PBLD: variants seen among roughly 807,000 people sequenced by gnomAD.
PBLD encodes phenazine biosynthesis-like domain-containing protein.
PBLD carries 26 observed loss-of-function variants against 31.3 expected under a neutral mutation model. The ratio of observed to expected loss-of-function variants is 0.83; its 90% CI spans 0.61 to 1.15. The LOEUF (loss-of-function observed/expected upper bound fraction) is 1.15, where lower values mean the gene tolerates loss of function less well. Ranked by LOEUF, PBLD falls within the 50% of genes most tolerant of loss-of-function variation. The pLI, the probability that PBLD is intolerant of heterozygous loss-of-function variation, is 0.00. For synonymous variants in PBLD, 114 were observed against 129.0 expected, an observed-to-expected ratio of 0.88 and a Z score of 0.79; for missense variants, 307 against 351.7, an observed-to-expected ratio of 0.87 and a Z score of 1.02.
Position 68,310,781 on chromosome 10 carries a change from C to A in PBLD, c.-59-3878G>T, listed in dbSNP as rs1368899030. Among the ~76,000 whole-genome samples, 4 of 143,122 alleles carry A rather than the reference C, an allele frequency of 2.8e-5. 1 individual carries two copies. Among genetic ancestry groups the A allele is most frequent in the Non-Finnish European group, 6.1e-5 (4 of 65,862 alleles). 93.9% of individuals were successfully genotyped at this position (143,122 alleles called of 152,430 possible). ...CATGTTGATGCAAATGATGGGAATTCTTTCTTCTTTATGGCTGAATAATAT... is the reference window on the plus strand; with the variant it reads ...CATGTTGATGCAAATGATGGGAATTATTTCTTCTTTATGGCTGAATAATAT... On this transcript the variant is annotated intron_variant, in intron 1 of 9. Coordinates refer to ENST00000358769, the MANE Select transcript of PBLD (RefSeq NM_022129.4).
chr10:68,292,512 CTT>C (rs66894235), intron 4 of PBLD, among the ~76,000 whole-genome samples: 1 of 147,166 alleles, frequency 6.8e-6, no homozygotes, highest in Non-Finnish European at 1.5e-5. Context: ...ACTTAGCCTC[CTT>C]TTTTTTTTTT....
In PBLD at chr10:68,327,673, CA is replaced by C. The variant is rs35759039; in HGVS notation, c.-60+5110del. Among the ~76,000 whole-genome samples, 513 of 68,810 alleles carry C rather than the reference CA, an allele frequency of 7.5e-3. 1 individual carries two copies. Among genetic ancestry groups the C allele is most frequent in the Middle Eastern group, 0.027 (3 of 112 alleles). The allele number at this position is 68,810 out of a possible 152,430, so 45.1% of individuals were successfully genotyped here. A position where few individuals can be genotyped will look rare whatever the true frequency, so the allele number is the denominator to read the frequency against. On this transcript the variant is annotated intron_variant, in intron 1 of 9. Coordinates refer to ENST00000358769, the MANE Select transcript of PBLD (RefSeq NM_022129.4). The stretch of plus-strand genomic sequence containing the variant: ...TGGGCGACAAAGCAAGACTCCACCT[CA>C]AAAAAAAAAAAAAAAAAAAAAATCA...
chr10:68,288,862 G>T, intron 7 of PBLD, 69 bp downstream of exon 7: 2 of 1,454,438 alleles, frequency 1.4e-6, no homozygotes, highest in South Asian at 2.3e-5. Context: ...AGCACAGCCA[G>T]ACTAAGGAAG....
chr10:68,284,743 A>G (rs950689919), intron 9 of PBLD, among the ~76,000 whole-genome samples: 58 of 152,316 alleles, frequency 3.8e-4, no homozygotes, highest in African/African-American at 1.3e-3. Flanking sequence ...CACTCATAAC[A>G]TATTCAAGCA....
intron 2 of PBLD, among the ~76,000 whole-genome samples, chr10:68,304,310 T>C (rs2044547902): frequency 6.6e-6 from 1 of 152,170 alleles, no homozygotes; most frequent in Non-Finnish European, 1.5e-5. Flanking sequence ...AACTAATCTT[T>C]AGATATCTAT....
In PBLD at chr10:68,314,981, G is replaced by C. The variant is rs2044718080; in HGVS notation, c.-59-8078C>G. ...GGTTTTGTATTTTTAGTTGAGACGG[G>C]GTTTCGCCATGTTGGTCAGGCTGGT... On this transcript the variant is annotated intron_variant, in intron 1 of 9. Transcript: ENST00000358769. Among the ~76,000 whole-genome samples the C allele has an allele frequency of 2.6e-5, 4 of 151,912 alleles. No individual in the cohort carries two copies. The South Asian group carries it at 8.3e-4, about 32-fold the overall frequency.
At chr10:68,312,909 C>G (rs968124352) in intron 1 of PBLD, among the ~76,000 whole-genome samples, 5 of 151,792 alleles carry the variant, frequency 3.3e-5, no homozygotes, top group African/African-American at 9.7e-5. Context: ...CCGGGCCCAG[C>G]CTTTTTTCTT....
intron 2 of PBLD, among the ~76,000 whole-genome samples, chr10:68,300,986 TC>T (rs1242628006): frequency 3.9e-5 from 6 of 152,158 alleles, no homozygotes; most frequent in Non-Finnish European, 2.9e-5. Flanking sequence ...AACCTCTGCC[TC>T]CCAGGTTCAA....
At chr10:68,293,777 C>T (rs547925624) in intron 4 of PBLD, among the ~76,000 whole-genome samples, 2 of 152,010 alleles carry the variant, frequency 1.3e-5, no homozygotes, top group Non-Finnish European at 2.9e-5. Flanking sequence ...GAGTTTGAGA[C>T]CAGCTTGGCC....
At chr10:68,320,749 C>T (rs2044822593) in intron 1 of PBLD, among the ~76,000 whole-genome samples, 1 of 151,098 alleles carries the variant, frequency 6.6e-6, no homozygotes, top group Admixed American at 6.6e-5. Flanking sequence ...ACCTCCTGGG[C>T]CTCAAGCAAT....
intron 1 of PBLD, among the ~76,000 whole-genome samples, chr10:68,312,711 G>A (rs567275348): frequency 3.8e-4 from 53 of 139,526 alleles, no homozygotes; most frequent in African/African-American, 1.3e-3. Flanking sequence ...CCGGGTTCAC[G>A]CCATTCTCCT....
intron 2 of PBLD, among the ~76,000 whole-genome samples, chr10:68,298,472 T>C (rs2044461381): frequency 6.6e-6 from 1 of 152,120 alleles, no homozygotes; most frequent in Non-Finnish European, 1.5e-5. Context: ...AAAAAAATTT[T>C]TTTTTACACA....
At position 68,284,109 on chromosome 10, in the gene PBLD, C is replaced by T. The variant is rs958248828; in HGVS notation, c.*68G>A. The T allele has an allele frequency of 6.3e-6, 9 of 1,422,150 alleles. No individual in the cohort carries two copies. In the African/African-American group the frequency reaches 1.3e-4, roughly 20 times the overall value. 88.1% of individuals were successfully genotyped at this position (1,422,150 alleles called of 1,614,324 possible). ...CTACGCACATTTGCTAAAGGCAGCC[C>T]CTTACATTTCTTTTTAAGCAGAAAA... On this transcript the variant is annotated 3_prime_UTR_variant, in exon 10 of 10. Transcript: ENST00000358769.
At chr10:68,295,441 T>C (rs1248321232) in intron 4 of PBLD, among the ~76,000 whole-genome samples, 2 of 149,788 alleles carry the variant, frequency 1.3e-5, no homozygotes, top group African/African-American at 4.9e-5. Context: ...TGCAGTGAAC[T>C]GATATCCTGC....
chr10:68,298,839 G>C (rs1244395050), intron 2 of PBLD, among the ~76,000 whole-genome samples: 1 of 151,772 alleles, frequency 6.6e-6, no homozygotes, highest in Non-Finnish European at 1.5e-5. Context: ...GGGCGTGGTG[G>C]CTCACACCTG....
chr10:68,288,186 A>G lies in PBLD; in HGVS notation c.691+297T>C, dbSNP rs2134423741. On this transcript the variant is annotated intron_variant, in intron 8 of 9. Transcript: ENST00000358769. ...ATGAGGTATTATATACAATTTATAG[A>G]GGAGGGAACTGAGACTTTTAAAAGT... 2 of 393,182 alleles carry G rather than the reference A, an allele frequency of 5.1e-6. 1 individual carries two copies. 24.4% of individuals were successfully genotyped at this position (393,182 alleles called of 1,614,324 possible).
rs1289629741 is a variant in PBLD, at chr10:68,296,289, G to A, written c.260C>T (p.Ala87Val). The change falls in exon 4 of 10, where the codon GCA (alanine) becomes GTA (valine). Residue 87 changes from alanine (A) to valine (V), a missense_variant. By Grantham distance (64) the Ala-to-Val change is moderately conservative (BLOSUM62 0). Coordinates refer to ENST00000358769, the MANE Select transcript of PBLD (RefSeq NM_022129.4). ...PLCGHATLAS[A>V]AVLFHKIKNM... ...ACTTATTTTGTGAAACAGCACAGCTGCAGAAGCCAGGGTGGCATGGCCACA... is the reference window on the plus strand; with the variant it reads ...ACTTATTTTGTGAAACAGCACAGCTACAGAAGCCAGGGTGGCATGGCCACA... 1.9e-6 allele frequency: 3 copies of A among 1,613,528 alleles called. No homozygotes were observed. The highest frequency in any genetic ancestry group is 2.5e-6 in the Non-Finnish European group (3 of 1,179,630).
chr10:68,286,085 C>CTGTTTT (rs770054927), intron 8 of PBLD, among the ~76,000 whole-genome samples: 1 of 103,422 alleles, frequency 9.7e-6, no homozygotes, highest in African/African-American at 3.6e-5. Flanking sequence ...TTGAATAATT[C>CTGTTTT]TTTTTTTTTT....
chr10:68,299,993 C>G (rs907707718), intron 2 of PBLD, among the ~76,000 whole-genome samples: 1 of 152,018 alleles, frequency 6.6e-6, no homozygotes. Context: ...TGGGTTCAAG[C>G]GATTCTCTCA....
Sources: allele counts gnomAD v4.1 joint callset (sites outside exome capture counted in the v4.1 genomes callset), GRCh38; gene constraint gnomAD v4.1.1; transcripts MANE v1.5; gene names NCBI Gene and HGNC (gene_info 2026-07-23, HGNC 2026-07-21).